MARCO: variants seen among roughly 807,000 people sequenced by gnomAD.
The protein encoded by MARCO is macrophage receptor MARCO.
Under a neutral mutation model 70.0 loss-of-function variants are expected in MARCO, and 72 were observed. The ratio of observed to expected loss-of-function variants is 1.03; its 90% CI spans 0.85 to 1.25. MARCO has a LOEUF of 1.25. Ranked by LOEUF, MARCO falls within the 50% of genes most tolerant of loss-of-function variation. The pLI, the probability that MARCO is intolerant of heterozygous loss-of-function variation, is 0.00. For synonymous variants in MARCO, 273 were observed against 243.1 expected (o/e 1.12, Z -1.14); for missense variants, 696 against 659.3 (o/e 1.06, Z -0.61).
chr2:118,985,423 C>T (rs1038988151), intron 12 of MARCO, among the ~76,000 whole-genome samples: 1 of 152,180 alleles, frequency 6.6e-6, no homozygotes, highest in Non-Finnish European at 1.5e-5. Flanking sequence ...AGGTGAAATG[C>T]TTCCTCTTGT....
chr2:118,992,310 G>A, intron 14 of MARCO, 122 bp from the exon 15 acceptor site: 1 of 741,836 alleles, frequency 1.3e-6, no homozygotes. Flanking sequence ...CAGGCCACAG[G>A]CGAGACCCAC....
In MARCO at chr2:118,981,491, G is replaced by C; in HGVS notation, c.849G>C (p.Gly283=). 6.2e-7 allele frequency: 1 copy of C among 1,600,704 alleles called. No individual in the cohort carries two copies. The highest frequency in any genetic ancestry group is 8.5e-7 in the Non-Finnish European group (1 of 1,176,844). The part of the protein sequence containing the change: ...PGAQGSKGDF[G]RPGPPGLAGF... ...CCCAGGGGAGTAAAGGTGACTTCGG[G>C]AGGCCAGGCCCACCAGGTAAGAGGG... is the stretch of plus-strand genomic sequence containing the variant. The change falls in exon 9 of 17, where the codon GGG becomes GGC. Residue 283 remains glycine (G), a synonymous_variant. Coordinates refer to ENST00000327097, the MANE Select transcript of MARCO (RefSeq NM_006770.4).
intron 12 of MARCO, among the ~76,000 whole-genome samples, chr2:118,989,746 G>A (rs555409981): frequency 6.6e-5 from 10 of 152,192 alleles, no homozygotes; most frequent in Non-Finnish European, 8.8e-5. Flanking sequence ...CACTGTTGGT[G>A]TTCCCCTCAT....
At chr2:118,973,393 C>T (rs2104583114) in intron 4 of MARCO, among the ~76,000 whole-genome samples, 1 of 151,724 alleles carries the variant, frequency 6.6e-6, no homozygotes, top group East Asian at 1.9e-4. Flanking sequence ...CTGTCTCTCT[C>T]TCTCTCTCTC....
chr2:118,975,753 T>C (rs1680270156), intron 6 of MARCO, among the ~76,000 whole-genome samples: 1 of 152,106 alleles, frequency 6.6e-6, no homozygotes, highest in Non-Finnish European at 1.5e-5. Flanking sequence ...TACACACATA[T>C]ACTCATGCAC....
At chr2:118,976,677 T>A (rs571588460) in intron 6 of MARCO, among the ~76,000 whole-genome samples, 1 of 152,326 alleles carries the variant, frequency 6.6e-6, no homozygotes, top group South Asian at 2.1e-4. Context: ...GGACAGGTAG[T>A]CATTAGCAGC....
chr2:118,969,233 C>T lies in MARCO; in HGVS notation c.171C>T (p.Thr57=), dbSNP rs200943551. 65 of 1,614,100 alleles carry T rather than the reference C, an allele frequency of 4.0e-5. No homozygotes were observed. In the Middle Eastern group the frequency reaches 8.2e-4, roughly 20 times the overall value. The part of the protein sequence containing the change: ...AVVVIYLILL[T]AGAGLLVVQV... ...TGGTCATCTACCTGATCCTGCTCAC[C>T]GCTGGCGCTGGGCTGCTGGTGGTCC... Residue 57 remains threonine (T), a synonymous_variant, in exon 2 of 17, where the codon ACC becomes ACT. Coordinates refer to ENST00000327097, the MANE Select transcript of MARCO (RefSeq NM_006770.4).
intron 12 of MARCO, among the ~76,000 whole-genome samples, chr2:118,986,585 A>G (rs10208029): frequency 0.054 from 3,544 of 65,290 alleles, 251 homozygotes; most frequent in African/African-American, 0.22. Flanking sequence ...AGGGAAGGAA[A>G]GAAGAAAGAA....
At chr2:118,971,697 G>C (rs1307033875) in intron 4 of MARCO, among the ~76,000 whole-genome samples, 163 bp downstream of exon 4, 1 of 152,178 alleles carries the variant, frequency 6.6e-6, no homozygotes, top group Non-Finnish European at 1.5e-5. Flanking sequence ...TCTGTTCCCA[G>C]AACTTAACTG....
intron 6 of MARCO, among the ~76,000 whole-genome samples, chr2:118,975,073 C>G (rs72960658): frequency 6.6e-6 from 1 of 152,132 alleles, no homozygotes; most frequent in Non-Finnish European, 1.5e-5. Context: ...AGCTCATGAT[C>G]GTTGCTTGGA....
chr2:118,980,274 T>C (rs1371152954), intron 8 of MARCO, among the ~76,000 whole-genome samples: 1 of 152,200 alleles, frequency 6.6e-6, no homozygotes, highest in Non-Finnish European at 1.5e-5. Flanking sequence ...TTTTTGCATC[T>C]CCAGCTGTTA....
At chr2:118,993,389 T>C (rs960522996) in intron 16 of MARCO, 89 bp downstream of exon 16, 16 of 1,345,728 alleles carry the variant, frequency 1.2e-5, no homozygotes, top group Admixed American at 7.9e-5. Context: ...TGACTCAGTG[T>C]GGTTTTCTTT....
At chr2:118,992,561 T>C in intron 15 of MARCO, 85 bp downstream of exon 15, 1 of 1,183,960 alleles carries the variant, frequency 8.4e-7, no homozygotes, top group Non-Finnish European at 1.2e-6. Context: ...GAAGAGACCT[T>C]GGTTCTCAAA....
intron 12 of MARCO, among the ~76,000 whole-genome samples, chr2:118,986,696 A>AGAAGGAAGGAAG (rs1558671904): frequency 2.0e-5 from 2 of 101,054 alleles, no homozygotes; most frequent in South Asian, 4.1e-4. Flanking sequence ...AAAGAAAGAA[A>AGAAGGAAGGAAG]GAAAGAAAGA....
intron 2 of MARCO, among the ~76,000 whole-genome samples, chr2:118,969,642 T>A (rs1319114461): frequency 6.6e-6 from 1 of 152,206 alleles, no homozygotes; most frequent in East Asian, 1.9e-4. Flanking sequence ...TTTTGAAGTA[T>A]TCCCAATCTA....
chr2:118,980,875 G>C (rs1234380849), intron 8 of MARCO, among the ~76,000 whole-genome samples: 1 of 152,184 alleles, frequency 6.6e-6, no homozygotes, highest in Non-Finnish European at 1.5e-5. Flanking sequence ...GGACTCAGAA[G>C]GGGACAGGCT....
chr2:118,961,065 G>C (rs940715827), intron 1 of MARCO, among the ~76,000 whole-genome samples: 1 of 152,124 alleles, frequency 6.6e-6, no homozygotes, highest in Non-Finnish European at 1.5e-5. Context: ...CAAAGGACAC[G>C]ATCTCATTCC....
rs1280687588 is a variant in MARCO at position 118,981,657 on chromosome 2, G to GT, written c.901+2dup. The GT allele has an allele frequency of 3.7e-6, 6 of 1,613,756 alleles. No individual in the cohort carries two copies. The African/African-American group carries it at 8.0e-5, about 22-fold the overall frequency. On this transcript the variant is annotated splice_donor_variant, in intron 10 of 16. Transcript: ENST00000327097. LOFTEE classifies it high-confidence loss of function. ...TTTCCTGGAGCTAAAGGAGATCAAG[G>GT]TAAGAACTACAGGAATCTGGGCATC... is the stretch of plus-strand genomic sequence containing the variant.
intron 1 of MARCO, among the ~76,000 whole-genome samples, chr2:118,965,233 G>A (rs1680022911): frequency 6.6e-6 from 1 of 152,128 alleles, no homozygotes; most frequent in Non-Finnish European, 1.5e-5. Flanking sequence ...GTTCATGTGT[G>A]TTTGTTTGTT....
Sources: gnomAD v4.1 joint callset for allele counts (sites outside exome capture counted in the v4.1 genomes callset) on GRCh38, gnomAD v4.1.1 for gene constraint, MANE v1.5 for transcripts, NCBI Gene and HGNC (gene_info 2026-07-23, HGNC 2026-07-21) for gene names.